Variants in HDGFL3 observed in about 807,000 individuals in gnomAD.
HDGFL3 encodes the protein hepatoma-derived growth factor-related protein 3.
Under a neutral mutation model 27.6 loss-of-function variants are expected in HDGFL3, and 6 were observed. That is an observed-to-expected ratio of 0.22 (90% CI 0.12 to 0.43). The LOEUF (loss-of-function observed/expected upper bound fraction) is 0.43, where lower values mean the gene tolerates loss of function less well. HDGFL3 is among the 20% of genes least tolerant of loss of function. The pLI, the probability that HDGFL3 is intolerant of heterozygous loss-of-function variation, is 1.00. For synonymous variants in HDGFL3, 88 were observed against 88.9 expected (o/e 0.99, Z 0.05); for missense variants, 207 against 250.1 (o/e 0.83, Z 1.16).
At chr15:83,158,912 C>A (rs2037064478) in intron 2 of HDGFL3, among the ~76,000 whole-genome samples, 1 of 151,944 alleles carries the variant, frequency 6.6e-6, no homozygotes, top group Non-Finnish European at 1.5e-5. Flanking sequence ...GGTATGATCT[C>A]GGTTTACTGC....
At chr15:83,139,862 A>G (rs2036732983) in intron 5 of HDGFL3, among the ~76,000 whole-genome samples, 1 of 152,216 alleles carries the variant, frequency 6.6e-6, no homozygotes, top group African/African-American at 2.4e-5. Context: ...TCCGTGTGAC[A>G]AACAGAAAAT....
chr15:83,149,875 A>C lies in HDGFL3; in HGVS notation c.606+1340T>G, dbSNP rs2036942930. 2.0e-5 allele frequency among the ~76,000 whole-genome samples: 3 copies of C among 152,166 alleles called. No individual in the cohort carries two copies. In the South Asian group the frequency reaches 6.2e-4, roughly 31 times the overall value. On this transcript the variant is annotated intron_variant, in intron 5 of 5. Transcript: ENST00000299633. ...CAGTGGAAAAGAAGATGTGGTATAG[A>C]AGAAGGGGACGAATGACTGGGTGTG...
intron 1 of HDGFL3, among the ~76,000 whole-genome samples, chr15:83,193,202 C>A (rs565248536): frequency 6.6e-6 from 1 of 152,178 alleles, no homozygotes; most frequent in South Asian, 2.1e-4. Flanking sequence ...AAGAAGCTAA[C>A]AACCAGAACA....
At chr15:83,182,793 ATGC>A (rs1233483514) in intron 1 of HDGFL3, among the ~76,000 whole-genome samples, 8 of 152,214 alleles carry the variant, frequency 5.3e-5, no homozygotes, top group African/African-American at 9.6e-5. Flanking sequence ...AGTTATATGC[ATGC>A]TGAAGTATTT....
intron 3 of HDGFL3, among the ~76,000 whole-genome samples, chr15:83,121,388 A>G (rs996108719): frequency 6.6e-6 from 1 of 152,036 alleles, no homozygotes; most frequent in Non-Finnish European, 1.5e-5. Context: ...GGCCTGAAGG[A>G]AGTTTTTGTC....
At chr15:83,118,267 ACAGAGAGAG>A (rs1231755710) in intron 3 of HDGFL3, among the ~76,000 whole-genome samples, 1 of 150,956 alleles carries the variant, frequency 6.6e-6, no homozygotes, top group Non-Finnish European at 1.5e-5. Flanking sequence ...ACACACACAT[ACAGAGAGAG>A]CAAGAGAGAG....
Position 83,159,254 on chromosome 15 carries a change from A to G in HDGFL3, c.162-1213T>C, listed in dbSNP as rs575263044. 7.2e-5 allele frequency among the ~76,000 whole-genome samples: 11 copies of G among 152,358 alleles called. No individual in the cohort carries two copies. The South Asian group carries it at 2.3e-3, about 32-fold the overall frequency. On this transcript the variant is annotated intron_variant, in intron 2 of 5. Coordinates refer to ENST00000299633, the MANE Select transcript of HDGFL3 (RefSeq NM_016073.4). ...CCAATTTAAACCACATCCTAAATTAATCACAACCAAGAAAAAAAAAGAAGT... is the reference window on the plus strand; with the variant it reads ...CCAATTTAAACCACATCCTAAATTAGTCACAACCAAGAAAAAAAAAGAAGT...
intron 1 of HDGFL3, among the ~76,000 whole-genome samples, chr15:83,175,389 G>A (rs1375430748): frequency 6.6e-6 from 1 of 152,108 alleles, no homozygotes; most frequent in Non-Finnish European, 1.5e-5. Context: ...ACACCAAGAT[G>A]TTCAAGTATC....
At chr15:83,176,345 T>C (rs2037310287) in intron 1 of HDGFL3, among the ~76,000 whole-genome samples, 1 of 152,224 alleles carries the variant, frequency 6.6e-6, no homozygotes, top group South Asian at 2.1e-4. Flanking sequence ...TTAAGAAATC[T>C]AACATAAAAT....
chr15:83,200,631 T>C (rs1253184946), intron 1 of HDGFL3, among the ~76,000 whole-genome samples: 1 of 152,172 alleles, frequency 6.6e-6, no homozygotes, highest in Admixed American at 6.5e-5. Context: ...ATTTGATCCT[T>C]AGGAAAAAGA....
chr15:83,153,456 A>G (rs1447825428), intron 4 of HDGFL3, among the ~76,000 whole-genome samples: 1 of 152,190 alleles, frequency 6.6e-6, no homozygotes, highest in Non-Finnish European at 1.5e-5. Context: ...GAATTAGGGC[A>G]TTACTAGTGT....
At chr15:83,151,125 C>A in intron 5 of HDGFL3, 90 bp downstream of exon 5, 1 of 1,189,854 alleles carries the variant, frequency 8.4e-7, no homozygotes. Context: ...TTTATCAACA[C>A]AATGTTTACT....
In HDGFL3 at chr15:83,157,386, TTAA is replaced by T. The variant is rs530728302; in HGVS notation, c.459+26_459+28del. On this transcript the variant is annotated intron_variant, in intron 4 of 5. Coordinates refer to ENST00000299633, the MANE Select transcript of HDGFL3 (RefSeq NM_016073.4). The stretch of plus-strand genomic sequence containing the variant: ...ATGTTTAATGGATATGCATATAACA[TTAA>T]TAACAATGAGAAGTTTCTTAGTAAC... The T allele has an allele frequency of 2.0e-3, 3,183 of 1,594,814 alleles. 2 individuals carry two copies. The highest frequency in any genetic ancestry group is 2.5e-3 in the Non-Finnish European group (2,867 of 1,163,506).
intron 1 of HDGFL3, among the ~76,000 whole-genome samples, chr15:83,193,948 C>T (rs760458479): frequency 1.1e-4 from 17 of 152,142 alleles, no homozygotes; most frequent in Non-Finnish European, 2.4e-4. Context: ...CTGACTCACA[C>T]CACCACCACC....
At chr15:83,184,180 C>A (rs2037413669) in intron 1 of HDGFL3, among the ~76,000 whole-genome samples, 1 of 152,166 alleles carries the variant, frequency 6.6e-6, no homozygotes, top group Non-Finnish European at 1.5e-5. Context: ...TATGCGATAT[C>A]AACTTTTTTA....
At position 83,131,928 on chromosome 15, in the gene HDGFL3, T is replaced by C. The variant is rs1032676814; in HGVS notation, c.*7342A>G. 2.0e-5 allele frequency: 3 copies of C among 152,214 alleles called. No individual in the cohort carries two copies. The highest frequency in any genetic ancestry group is 7.2e-5 in the African/African-American group (3 of 41,458). 9.4% of individuals were successfully genotyped at this position (152,214 alleles called of 1,614,324 possible). On this transcript the variant is annotated 3_prime_UTR_variant, in exon 6 of 6. Coordinates refer to ENST00000299633, the MANE Select transcript of HDGFL3 (RefSeq NM_016073.4). ...TAGCATTTCCTATCAATTGAAGCAT[T>C]TTCTCTGCTAAAATATCAATGAAAA...
intron 5 of HDGFL3, 124 bp downstream of exon 5, chr15:83,151,091 T>G: frequency 1.1e-6 from 1 of 885,162 alleles, no homozygotes; most frequent in Non-Finnish European, 1.7e-6. Flanking sequence ...TGGATGCATA[T>G]AATAGGCTGA....
At chr15:83,144,601 T>G (rs1030538020) in intron 5 of HDGFL3, 31 of 447,876 alleles carry the variant, frequency 6.9e-5, no homozygotes, top group Non-Finnish European at 1.3e-4. Context: ...AAACAACTCA[T>G]GAGGAACTGA....
rs2036717791 is a variant in HDGFL3 at position 83,139,220 on chromosome 15, C to T, written c.*50G>A. Reference sequence around the variant, plus strand: ...AATCCAAGAATATTAGACAACCAAACATATAACCTTCTTGTGGTTTCTCTT... The same window carrying T: ...AATCCAAGAATATTAGACAACCAAATATATAACCTTCTTGTGGTTTCTCTT... On this transcript the variant is annotated 3_prime_UTR_variant, in exon 6 of 6. Coordinates refer to ENST00000299633, the MANE Select transcript of HDGFL3 (RefSeq NM_016073.4). 2 of 1,314,366 alleles carry T rather than the reference C, an allele frequency of 1.5e-6. No individual in the cohort carries two copies. The highest frequency in any genetic ancestry group is 3.1e-5 in the African/African-American group (2 of 65,420). 81.4% of individuals were successfully genotyped at this position (1,314,366 alleles called of 1,614,324 possible).
Sources: allele counts gnomAD v4.1 joint callset (sites outside exome capture counted in the v4.1 genomes callset), GRCh38; gene constraint gnomAD v4.1.1; transcripts MANE v1.5; gene names NCBI Gene and HGNC (gene_info 2026-07-23, HGNC 2026-07-21).